Variants in SLC9C2 observed in about 807,000 individuals in gnomAD.
SLC9C2 encodes sodium/hydrogen exchanger 11.
A neutral mutation model predicts 140.2 loss-of-function variants in SLC9C2; 75 were observed. The ratio of observed to expected loss-of-function variants is 0.53; its 90% CI spans 0.44 to 0.65. The LOEUF (loss-of-function observed/expected upper bound fraction) is 0.65, where lower values mean the gene tolerates loss of function less well. SLC9C2 is among the 30% of genes least tolerant of loss of function. SLC9C2 has a pLI of 0.00. For missense variants in SLC9C2, 1,074 were observed against 1,331.8 expected (o/e 0.81, Z 3.01); for synonymous variants, 375 against 420.9 (o/e 0.89, Z 1.34).
chr1:173,595,485 A>G (rs1489330426), intron 4 of SLC9C2, among the ~76,000 whole-genome samples: 1 of 152,192 alleles, frequency 6.6e-6, no homozygotes, highest in Non-Finnish European at 1.5e-5. Flanking sequence ...TTAGGGTACC[A>G]AAGTTGTTAG....
At chr1:173,573,056 G>C (rs1182473723) in intron 9 of SLC9C2, 126 bp downstream of exon 9, 4 of 623,934 alleles carry the variant, frequency 6.4e-6, no homozygotes, top group Non-Finnish European at 1.1e-5. Context: ...TCAAGGCCTT[G>C]ATAACAATGC....
At chr1:173,517,513 C>A (rs201487247) in intron 23 of SLC9C2, 24 bp downstream of exon 23, 2 of 1,570,876 alleles carry the variant, frequency 1.3e-6, no homozygotes, top group Non-Finnish European at 1.7e-6. Flanking sequence ...TAATTAATAA[C>A]TCATGACAGA....
In SLC9C2 at chr1:173,535,933, CAT is replaced by C; in HGVS notation, c.1670_1671del (p.Tyr557Ter). 1 of 1,501,118 alleles carries C rather than the reference CAT, an allele frequency of 6.7e-7. No homozygotes were observed. Among genetic ancestry groups the C allele is most frequent in the Non-Finnish European group, 8.9e-7 (1 of 1,118,268 alleles). 93.0% of individuals were successfully genotyped at this position (1,501,118 alleles called of 1,614,324 possible). On this transcript the variant is annotated frameshift_variant, in exon 15 of 28. Coordinates refer to ENST00000367714, the MANE Select transcript of SLC9C2 (RefSeq NM_178527.4). LOFTEE classifies it high-confidence loss of function. ...YSIQGKFMSI[Y>X]DVSTYMRTRS... ...CTAGTTCTCATATAAGTTGAAACAT[CAT>C]AAATACTCATGAATCTAACAGAGAA...
At chr1:173,587,988 A>G (rs1387145240) in intron 4 of SLC9C2, among the ~76,000 whole-genome samples, 158 bp from the exon 5 acceptor site, 1 of 152,206 alleles carries the variant, frequency 6.6e-6, no homozygotes, top group African/African-American at 2.4e-5. Context: ...CCTGCCACAA[A>G]GAAACCGCCC....
chr1:173,581,739 T>C, intron 7 of SLC9C2, 108 bp downstream of exon 7: 1 of 847,780 alleles, frequency 1.2e-6, no homozygotes, highest in Non-Finnish European at 1.7e-6. Context: ...GGACACACAG[T>C]GGGGCCACAA....
At chr1:173,549,962 A>G (rs1373114515) in intron 11 of SLC9C2, among the ~76,000 whole-genome samples, 3 of 152,232 alleles carry the variant, frequency 2.0e-5, no homozygotes, top group Non-Finnish European at 4.4e-5. Flanking sequence ...TCTTAAAAAA[A>G]GAGAGTCAAC....
chr1:173,539,213 T>C (rs1188099538), intron 13 of SLC9C2, among the ~76,000 whole-genome samples: 1 of 151,828 alleles, frequency 6.6e-6, no homozygotes, highest in Non-Finnish European at 1.5e-5. Flanking sequence ...CACTGAGGAG[T>C]CATTTAGGGT....
chr1:173,513,917 A>G (rs1384606907), intron 23 of SLC9C2, among the ~76,000 whole-genome samples: 1 of 152,178 alleles, frequency 6.6e-6, no homozygotes, highest in Non-Finnish European at 1.5e-5. Flanking sequence ...TTTACCCAGG[A>G]GTTATTCAGG....
intron 17 of SLC9C2, among the ~76,000 whole-genome samples, chr1:173,531,888 C>T (rs1274695110): frequency 1.3e-5 from 2 of 152,152 alleles, no homozygotes; most frequent in Non-Finnish European, 2.9e-5. Flanking sequence ...AAAGAAACTC[C>T]TACCTTCCAT....
Position 173,529,890 on chromosome 1 carries a change from G to GT in SLC9C2, c.2313+14dup, listed in dbSNP as rs1245885461. The GT allele has an allele frequency of 6.2e-7, 1 of 1,601,034 alleles. No homozygotes were observed. The highest frequency in any genetic ancestry group is 8.5e-7 in the Non-Finnish European group (1 of 1,176,792). On this transcript the variant is annotated intron_variant, in intron 18 of 27. Coordinates refer to ENST00000367714, the MANE Select transcript of SLC9C2 (RefSeq NM_178527.4). ...AGGGGTTTTTCTCCCCAAATGACCA[G>GT]TGCTTGTTTCTCACCTGATATATTG...
rs111866518 is a variant in SLC9C2 at position 173,569,779 on chromosome 1, G to A, written c.1046+3403C>T. Among the ~76,000 whole-genome samples, 38 of 152,136 alleles carry A rather than the reference G, an allele frequency of 2.5e-4. 1 individual carries two copies. The highest frequency in any genetic ancestry group is 8.7e-4 in the African/African-American group (36 of 41,506). ...AGCCTGGGCAACACAGCAAGACCCTGTCCCAAAAAGAAATAAAAAATAAAA... is the reference window on the plus strand; with the variant it reads ...AGCCTGGGCAACACAGCAAGACCCTATCCCAAAAAGAAATAAAAAATAAAA... On this transcript the variant is annotated intron_variant, in intron 9 of 27. Transcript: ENST00000367714.
chr1:173,548,522 A>G lies in SLC9C2; in HGVS notation c.1328T>C (p.Met443Thr), dbSNP rs781602982. Residue 443 changes from methionine to threonine, a missense_variant, in exon 12 of 28, where the codon ATG (methionine) becomes ACG (threonine). Met to Thr is a moderately conservative substitution (Grantham distance 81). Coordinates refer to ENST00000367714, the MANE Select transcript of SLC9C2 (RefSeq NM_178527.4). ...DLCVLSLPRQMILQNATQHIQ... is the reference protein window; with the variant it reads ...DLCVLSLPRQTILQNATQHIQ... ...GTGCTGAGTGGCATTTTGCAAGATC[A>G]TTTGTCTTGGGAGGGAAAGAACACA... The G allele has an allele frequency of 2.4e-5, 39 of 1,613,660 alleles. No individual in the cohort carries two copies. The highest frequency in any genetic ancestry group is 3.1e-5 in the Non-Finnish European group (36 of 1,179,774).
chr1:173,527,268 G>T (rs573641439), intron 18 of SLC9C2, among the ~76,000 whole-genome samples: 1 of 152,114 alleles, frequency 6.6e-6, no homozygotes, highest in South Asian at 2.1e-4. Flanking sequence ...ATGCTCAGAC[G>T]TCAATCTCAA....
chr1:173,509,544 T>A, intron 24 of SLC9C2, 24 bp downstream of exon 24: 1 of 1,479,054 alleles, frequency 6.8e-7, no homozygotes, highest in Non-Finnish European at 9.0e-7. Flanking sequence ...TTCAATTTAT[T>A]AATATTTTAA....
chr1:173,513,645 T>C (rs1409865877), intron 23 of SLC9C2, among the ~76,000 whole-genome samples: 1 of 152,212 alleles, frequency 6.6e-6, no homozygotes, highest in Non-Finnish European at 1.5e-5. Flanking sequence ...TTTGTGTCTC[T>C]GTCTCCTTCA....
chr1:173,558,576 C>T (rs1663875046), intron 9 of SLC9C2, among the ~76,000 whole-genome samples: 1 of 152,182 alleles, frequency 6.6e-6, no homozygotes, highest in Non-Finnish European at 1.5e-5. Context: ...AACAATGGTA[C>T]TTGCCTCAAA....
At chr1:173,523,614 A>T (rs1660983015) in intron 21 of SLC9C2, among the ~76,000 whole-genome samples, 1 of 152,188 alleles carries the variant, frequency 6.6e-6, no homozygotes, top group Non-Finnish European at 1.5e-5. Context: ...TTACTTTTAC[A>T]CTATCTGCCC....
chr1:173,581,889 T>C lies in SLC9C2; in HGVS notation c.760A>G (p.Ile254Val), dbSNP rs1665557505. 3 of 1,601,782 alleles carry C rather than the reference T, an allele frequency of 1.9e-6. No individual in the cohort carries two copies. Among genetic ancestry groups the C allele is most frequent in the African/African-American group, 1.3e-5 (1 of 74,832 alleles). The stretch of plus-strand genomic sequence containing the variant: ...TACACCATTGAAAAGCAGAGAATGA[T>C]ATTAGTCAGCATATTGCTAAAAACG... ...ADVFSNMLTN[I>V]ILCFSMVYMT... Residue 254 changes from isoleucine (I) to valine (V), a missense_variant, in exon 7 of 28, where the codon ATC (isoleucine) becomes GTC (valine). By Grantham distance (29) the Ile-to-Val change is conservative. Transcript: ENST00000367714.
Position 173,506,898 on chromosome 1 carries a change from T to G in SLC9C2, c.3183A>C (p.Glu1061Asp). ...YGSVIDTKTE[E>D]PYFAPCIIPT... ...GTATAATGCAAGGTGCAAAATATGG[T>G]TCCTCTGTCTTAGTATCAATTACAC... The change falls in exon 25 of 28, where the codon GAA becomes GAC. Residue 1061 changes from glutamate (E) to aspartate (D), a missense_variant. Physicochemically the swap from Glu to Asp is conservative, Grantham distance 45. Coordinates refer to ENST00000367714, the MANE Select transcript of SLC9C2 (RefSeq NM_178527.4). 2 of 1,613,734 alleles carry G rather than the reference T, an allele frequency of 1.2e-6. No individual in the cohort carries two copies. Among genetic ancestry groups the G allele is most frequent in the Non-Finnish European group, 1.7e-6 (2 of 1,179,886 alleles).
Sources: gnomAD v4.1 joint callset for allele counts (sites outside exome capture counted in the v4.1 genomes callset) on GRCh38, gnomAD v4.1.1 for gene constraint, MANE v1.5 for transcripts, NCBI Gene and HGNC (gene_info 2026-07-23, HGNC 2026-07-21) for gene names.